FBXL7: variants seen among roughly 807,000 people sequenced by gnomAD.
FBXL7 encodes F-box and leucine rich repeat protein 7.
A neutral mutation model predicts 38.3 loss-of-function variants in FBXL7; 12 were observed. That is an observed-to-expected ratio of 0.31 (90% CI 0.20 to 0.51). The LOEUF is 0.51. Ranked by LOEUF, FBXL7 falls within the 20% of genes least tolerant of loss-of-function variation. The pLI is 0.98. For missense variants in FBXL7, 567 were observed against 676.4 expected (o/e 0.84, Z 1.79); for synonymous variants, 297 against 300.9 (o/e 0.99, Z 0.13).
intron 2 of FBXL7, among the ~76,000 whole-genome samples, chr5:15,874,939 A>C (rs1044144180): frequency 6.6e-6 from 1 of 152,250 alleles, no homozygotes; most frequent in Non-Finnish European, 1.5e-5. Flanking sequence ...GAATGAAAAA[A>C]GAGCCCATAT....
At chr5:15,789,925 G>A (rs1313716673) in intron 2 of FBXL7, among the ~76,000 whole-genome samples, 1 of 152,158 alleles carries the variant, frequency 6.6e-6, no homozygotes, top group Admixed American at 6.5e-5. Flanking sequence ...ACCTGCCTGG[G>A]TGAATTAGTG....
intron 2 of FBXL7, among the ~76,000 whole-genome samples, chr5:15,859,719 C>A (rs1250934444): frequency 6.6e-6 from 1 of 152,110 alleles, no homozygotes; most frequent in Non-Finnish European, 1.5e-5. Flanking sequence ...CCCATCAGGT[C>A]CCTCCCACGA....
chr5:15,541,607 C>T (rs1269629387), intron 1 of FBXL7, among the ~76,000 whole-genome samples: 6 of 138,476 alleles, frequency 4.3e-5, no homozygotes, highest in East Asian at 2.1e-4. Flanking sequence ...TACAGTGGTG[C>T]GACCTTGGCT....
intron 2 of FBXL7, among the ~76,000 whole-genome samples, chr5:15,654,022 A>C (rs1741792255): frequency 6.6e-6 from 1 of 152,248 alleles, no homozygotes. Flanking sequence ...AGCAGCAATG[A>C]ACCTGTCAAC....
intron 2 of FBXL7, among the ~76,000 whole-genome samples, chr5:15,876,099 G>T (rs1237622036): frequency 6.6e-6 from 1 of 152,170 alleles, no homozygotes; most frequent in Admixed American, 6.6e-5. Context: ...CATGTCCTTT[G>T]CAGGGACATG....
At chr5:15,761,345 G>T (rs1482581948) in intron 2 of FBXL7, among the ~76,000 whole-genome samples, 1 of 152,104 alleles carries the variant, frequency 6.6e-6, no homozygotes, top group African/African-American at 2.4e-5. Context: ...CCATGAACAG[G>T]GACTCTGGAC....
chr5:15,928,031 C>CGGGGGGGGG lies in FBXL7; in HGVS notation c.269_270insGGGGGGGGG (p.Ser90_Pro91insGlyGlyGly). 1.9e-6 allele frequency: 1 copy of CGGGGGGGGG among 518,588 alleles called. No homozygotes were observed. Among genetic ancestry groups the CGGGGGGGGG allele is most frequent in the Non-Finnish European group, 3.9e-6 (1 of 256,496 alleles). 32.1% of individuals were successfully genotyped at this position (518,588 alleles called of 1,614,324 possible). A position where few individuals can be genotyped will look rare whatever the true frequency, so the allele number is the denominator to read the frequency against. On this transcript the variant is annotated inframe_insertion, in exon 3 of 4. Coordinates refer to ENST00000504595, the MANE Select transcript of FBXL7 (RefSeq NM_012304.5). This position sits in a 1 kb window ranked among gnomAD's most constrained non-coding sequence, Gnocchi z 4.0. ...GGGGAGACGGTGGCCATGGTGCACT[C>CGGGGGGGGG]CCCGCCCCCGACCCGCCTCACACAC...
chr5:15,890,870 C>G (rs999585750), intron 2 of FBXL7, among the ~76,000 whole-genome samples: 1 of 151,946 alleles, frequency 6.6e-6, no homozygotes, highest in Non-Finnish European at 1.5e-5. Context: ...AGTTTATTAA[C>G]TAATTTCTGA....
intron 1 of FBXL7, among the ~76,000 whole-genome samples, chr5:15,514,182 C>A (rs1383687219): frequency 6.6e-6 from 1 of 152,154 alleles, no homozygotes; most frequent in Non-Finnish European, 1.5e-5. Context: ...CAAGGGGGAG[C>A]ATGGGTAATA....
intron 1 of FBXL7, among the ~76,000 whole-genome samples, chr5:15,522,886 A>T (rs529267015): frequency 6.6e-6 from 1 of 152,238 alleles, no homozygotes; most frequent in Non-Finnish European, 1.5e-5. Flanking sequence ...GGATGTTTCA[A>T]TGACAATAGT....
intron 2 of FBXL7, among the ~76,000 whole-genome samples, chr5:15,878,483 AGCC>A (rs1740306383): frequency 6.6e-6 from 1 of 152,194 alleles, no homozygotes; most frequent in Admixed American, 6.5e-5. Flanking sequence ...TAATCTTCAT[AGCC>A]CAGGAGAAAG....
intron 1 of FBXL7, among the ~76,000 whole-genome samples, chr5:15,567,677 T>C (rs1473988145): frequency 6.6e-6 from 1 of 152,102 alleles, no homozygotes; most frequent in East Asian, 1.9e-4. Flanking sequence ...ACATGTGCCA[T>C]GTTGGTGTGC....
intron 2 of FBXL7, among the ~76,000 whole-genome samples, chr5:15,891,620 C>T (rs973204785): frequency 9.2e-5 from 14 of 152,014 alleles, no homozygotes; most frequent in Admixed American, 1.3e-4. Flanking sequence ...TGGTAAGTAC[C>T]GCCAGGATAA....
intron 2 of FBXL7, among the ~76,000 whole-genome samples, chr5:15,632,783 T>G (rs1184564474): frequency 1.3e-5 from 2 of 152,186 alleles, no homozygotes. Context: ...AACCAAATAC[T>G]GTGTGTTATC....
chr5:15,568,482 G>T (rs1738660993), intron 1 of FBXL7, among the ~76,000 whole-genome samples: 1 of 152,038 alleles, frequency 6.6e-6, no homozygotes, highest in Admixed American at 6.5e-5. Context: ...GTAGATTCTG[G>T]ATATTAGCCC....
At chr5:15,524,843 C>T (rs940208937) in intron 1 of FBXL7, among the ~76,000 whole-genome samples, 1 of 152,172 alleles carries the variant, frequency 6.6e-6, no homozygotes, top group Non-Finnish European at 1.5e-5. Flanking sequence ...AATGTCCTGT[C>T]CCATGCTGAA....
At chr5:15,799,251 C>T (rs1264681296) in intron 2 of FBXL7, among the ~76,000 whole-genome samples, 3 of 151,838 alleles carry the variant, frequency 2.0e-5, no homozygotes, top group Non-Finnish European at 4.4e-5. Context: ...ACAGAAGGAG[C>T]GACTGACCTC....
intron 2 of FBXL7, among the ~76,000 whole-genome samples, chr5:15,725,224 A>G (rs1482839385): frequency 2.6e-5 from 4 of 152,080 alleles, no homozygotes; most frequent in African/African-American, 9.7e-5. Context: ...TTGTAAAGTC[A>G]GGTTGTTGAT....
intron 2 of FBXL7, among the ~76,000 whole-genome samples, chr5:15,770,547 C>T (rs574945850): frequency 3.9e-5 from 6 of 152,216 alleles, no homozygotes; most frequent in South Asian, 2.1e-4. Flanking sequence ...AGGCAATAAA[C>T]GAACGAGTAG....
Sources: allele counts gnomAD v4.1 joint callset (sites outside exome capture counted in the v4.1 genomes callset), GRCh38; gene constraint gnomAD v4.1.1; non-coding constraint Gnocchi (gnomAD v3.1); transcripts MANE v1.5; gene names NCBI Gene and HGNC (gene_info 2026-07-23, HGNC 2026-07-21).